The following FSCN2 variants were observed in gnomAD, a reference collection of about 807,000 sequenced individuals.
FSCN2 encodes the protein fascin actin-bundling protein 2, retinal.
In FSCN2, 46 loss-of-function variants were observed where a neutral mutation model predicts 37.8. That is an observed-to-expected ratio of 1.22 (90% CI 0.96 to 1.56). The LOEUF is 1.56. FSCN2 is among the 40% of genes most tolerant of loss of function. The pLI is 0.00. For missense variants in FSCN2, 844 were observed against 730.4 expected (o/e 1.16, Z -1.79); for synonymous variants, 351 against 309.4 (o/e 1.13, Z -1.41).
Position 81,536,223 on chromosome 17 carries a change from G to A in FSCN2, c.1061G>A (p.Cys354Tyr), listed in dbSNP as rs768257341. 1.9e-5 allele frequency: 30 copies of A among 1,601,360 alleles called. No homozygotes were observed. Among genetic ancestry groups the A allele is most frequent in the South Asian group, 6.7e-5 (6 of 89,060 alleles). Reference protein sequence around the residue: ...ALKASNGRYVCMKKNGQLAAI... With the variant: ...ALKASNGRYVYMKKNGQLAAI... Reference sequence around the variant, plus strand: ...AAAGCCAGCAACGGGCGCTACGTGTGCATGAAGAAGAATGGGCAGCTGGCG... The same window carrying A: ...AAAGCCAGCAACGGGCGCTACGTGTACATGAAGAAGAATGGGCAGCTGGCG... The change falls in exon 3 of 5, where the codon TGC (cysteine) becomes TAC (tyrosine). Residue 354 changes from cysteine to tyrosine, a missense_variant. Coordinates refer to ENST00000417245, the MANE Select transcript of FSCN2 (RefSeq NM_012418.4).
the FSCN2 span, among the ~76,000 whole-genome samples, chr17:81,517,766 C>A: frequency 4.6e-5 from 7 of 151,134 alleles, no homozygotes; most frequent in Admixed American, 4.6e-4. Flanking sequence ...GGCCGCCCCC[C>A]CCCCCTCCAG....
chr17:81,529,862 C>T (rs954606409), intron 1 of FSCN2, among the ~76,000 whole-genome samples: 27 of 152,202 alleles, frequency 1.8e-4, no homozygotes, highest in East Asian at 5.8e-4. Context: ...CAGGCTGGAG[C>T]GCAGTGGCGT....
In FSCN2 at chr17:81,528,738, G is replaced by C; in HGVS notation, c.207G>C (p.Leu69=). The change falls in exon 1 of 5, where the codon CTG becomes CTC. Residue 69 remains leucine (L), a synonymous_variant. Coordinates refer to ENST00000417245, the MANE Select transcript of FSCN2 (RefSeq NM_012418.4). ...LLRSSHLGRY[L]SAEEDGRVAC... is the part of the protein sequence containing the mutation. ...GCAGCAGCCACCTGGGCCGCTACCT[G>C]TCGGCAGAAGAGGACGGGCGCGTGG... 1.9e-6 allele frequency: 3 copies of C among 1,593,892 alleles called. No individual in the cohort carries two copies. Among genetic ancestry groups the C allele is most frequent in the Non-Finnish European group, 1.7e-6 (2 of 1,171,408 alleles).
intron 1 of FSCN2, among the ~76,000 whole-genome samples, chr17:81,531,297 A>ATGGTGATGGTGGTGGTGGTGGTGATGG (rs1568077056): frequency 2.3e-5 from 1 of 44,336 alleles, no homozygotes; most frequent in Non-Finnish European, 4.7e-5. Context: ...GATGGTGGTG[A>ATGGTGATGGTGGTGGTGGTGGTGATGG]TGGTGATGGT....
chr17:81,532,107 G>GTGATGGCGA (rs1568078677), intron 1 of FSCN2, among the ~76,000 whole-genome samples: 3 of 118,652 alleles, frequency 2.5e-5, no homozygotes, highest in African/African-American at 1.0e-4. Context: ...GGTGATGATA[G>GTGATGGCGA]TGATGGCGAT....
Position 81,529,278 on chromosome 17 carries a change from T to A in FSCN2, c.747T>A (p.Asp249Glu). Reference sequence around the variant, plus strand: ...GCCGAAACACGCGACCTGGCAAGGATGAGCTCTTTGATCTGGAGGAGAGTC... The same window carrying A: ...GCCGAAACACGCGACCTGGCAAGGAAGAGCTCTTTGATCTGGAGGAGAGTC... ...KAGRNTRPGK[D>E]ELFDLEESHP... Residue 249 changes from aspartate to glutamate, a missense_variant, in exon 1 of 5, where the codon GAT (aspartate) becomes GAA (glutamate). By Grantham distance (45) the Asp-to-Glu change is conservative (BLOSUM62 2). Coordinates refer to ENST00000417245, the MANE Select transcript of FSCN2 (RefSeq NM_012418.4). 6.3e-7 allele frequency: 1 copy of A among 1,587,318 alleles called. No homozygotes were observed. Among genetic ancestry groups the A allele is most frequent in the Non-Finnish European group, 8.6e-7 (1 of 1,164,660 alleles).
chr17:81,518,478 G>A, the FSCN2 span, among the ~76,000 whole-genome samples: 3 of 152,260 alleles, frequency 2.0e-5, no homozygotes, highest in Middle Eastern at 0.01. Flanking sequence ...AGCCCTGGAG[G>A]AGGGAGCGCA....
At chr17:81,518,334 C>T in the FSCN2 span, among the ~76,000 whole-genome samples, 3 of 120,422 alleles carry the variant, frequency 2.5e-5, no homozygotes, top group African/African-American at 8.3e-5. Context: ...TTGTCCTCCA[C>T]AGTGAAGCTG....
chr17:81,529,472 GT>G (rs2032478342), intron 1 of FSCN2, 115 bp downstream of exon 1: 2 of 913,338 alleles, frequency 2.2e-6, no homozygotes, highest in African/African-American at 1.6e-5. Context: ...TCACATGTCT[GT>G]TCTGGGCTGG....
the FSCN2 span, among the ~76,000 whole-genome samples, chr17:81,517,460 C>A: frequency 6.6e-6 from 1 of 152,228 alleles, no homozygotes; most frequent in Non-Finnish European, 1.5e-5. Context: ...AGGAGGCCGT[C>A]AGGTGGCCCA....
chr17:81,515,989 C>T, the FSCN2 span, among the ~76,000 whole-genome samples: 25 of 152,390 alleles, frequency 1.6e-4, no homozygotes, highest in Middle Eastern at 6.8e-3. Context: ...AGACTACAGG[C>T]GTGCACCACC....
the FSCN2 span, among the ~76,000 whole-genome samples, chr17:81,515,552 T>A: frequency 6.6e-6 from 1 of 152,344 alleles, no homozygotes; most frequent in African/African-American, 2.4e-5. Context: ...ATTTAGTGGA[T>A]ACGACAACAG....
the FSCN2 span, among the ~76,000 whole-genome samples, chr17:81,523,224 G>A: frequency 1.3e-5 from 2 of 152,206 alleles, no homozygotes; most frequent in African/African-American, 2.4e-5. Context: ...GGAGGGGCAG[G>A]GAGGGGAGGG....
intron 1 of FSCN2, among the ~76,000 whole-genome samples, chr17:81,531,474 G>GTGATGATGGTGATGA (rs1568077455): frequency 9.4e-6 from 1 of 105,848 alleles, no homozygotes; most frequent in African/African-American, 4.4e-5. Context: ...GATGGTGGTG[G>GTGATGATGGTGATGA]TGGTGATGGT....
chr17:81,525,424 T>TAAAAAAAAAAAAAA (rs1555669986), upstream of FSCN2, among the ~76,000 whole-genome samples: 1 of 49,076 alleles, frequency 2.0e-5, no homozygotes, highest in African/African-American at 1.0e-4. Flanking sequence ...AGACTCTGTC[T>TAAAAAAAAAAAAAA]CAAAAAAAAA....
chr17:81,532,516 CG>C (rs2032720895), intron 1 of FSCN2, among the ~76,000 whole-genome samples: 2 of 23,840 alleles, frequency 8.4e-5, no homozygotes, highest in African/African-American at 7.5e-5. Context: ...ATAATGGTGA[CG>C]ATGGTGATGA....
At chr17:81,526,422 G>A (rs575699708), upstream of FSCN2, among the ~76,000 whole-genome samples, 27 of 152,236 alleles carry the variant, frequency 1.8e-4, no homozygotes, top group Non-Finnish European at 2.4e-4. Context: ...CTTGAGGTCA[G>A]GAGTTCGAGA....
chr17:81,518,065 G>A, the FSCN2 span, among the ~76,000 whole-genome samples: 1 of 152,104 alleles, frequency 6.6e-6, no homozygotes, highest in Non-Finnish European at 1.5e-5. Flanking sequence ...TGCTCCCAAG[G>A]CTACCTGCTG....
At chr17:81,517,767 C>G in the FSCN2 span, among the ~76,000 whole-genome samples, 176 of 151,388 alleles carry the variant, frequency 1.2e-3, 1 homozygote, top group African/African-American at 4.1e-3. Context: ...GCCGCCCCCC[C>G]CCCCTCCAGT....
Sources: gnomAD v4.1 joint callset for allele counts (sites outside exome capture counted in the v4.1 genomes callset) on GRCh38, gnomAD v4.1.1 for gene constraint, MANE v1.5 for transcripts, NCBI Gene and HGNC (gene_info 2026-07-23, HGNC 2026-07-21) for gene names.